The following RAD21L1 variants were observed in gnomAD, a reference collection of about 807,000 sequenced individuals.
RAD21L1 encodes the protein RAD21 cohesin complex component like 1.
Under a neutral mutation model 69.0 loss-of-function variants are expected in RAD21L1, and 47 were observed. The observed-to-expected ratio is 0.68, with a 90% CI of 0.54 to 0.87. The LOEUF (loss-of-function observed/expected upper bound fraction) is 0.87. Ranked by LOEUF, RAD21L1 falls within the 40% of genes least tolerant of loss-of-function variation. The pLI, the probability that RAD21L1 is intolerant of heterozygous loss-of-function variation, is 0.00. For synonymous variants in RAD21L1, 177 were observed against 205.8 expected, an observed-to-expected ratio of 0.86 and a Z score of 1.20; for missense variants, 583 against 647.6, an observed-to-expected ratio of 0.90 and a Z score of 1.08.
intron 13 of RAD21L1, among the ~76,000 whole-genome samples, chr20:1,252,910 C>T (rs142049938): frequency 1.4e-4 from 21 of 152,290 alleles, no homozygotes; most frequent in Admixed American, 7.2e-4. Flanking sequence ...TCTTCCTTTA[C>T]CTTCATTTCA....
At chr20:1,240,172 A>G in intron 7 of RAD21L1, 149 bp from the exon 8 acceptor site, 1 of 1,339,678 alleles carries the variant, frequency 7.5e-7, no homozygotes, top group Non-Finnish European at 9.6e-7. Flanking sequence ...CTTCAGCTCT[A>G]TTAAATAAAT....
At position 1,246,069 on chromosome 20, in the gene RAD21L1, G is replaced by T. The variant is rs922873221; in HGVS notation, c.1309-144G>T. The T allele has an allele frequency of 2.2e-6, 1 of 463,568 alleles. No individual in the cohort carries two copies. Among genetic ancestry groups the T allele is most frequent in the East Asian group, 3.6e-5 (1 of 28,076 alleles). 28.7% of individuals were successfully genotyped at this position (463,568 alleles called of 1,614,324 possible). A position where few individuals can be genotyped will look rare whatever the true frequency, so the allele number is the denominator to read the frequency against. On this transcript the variant is annotated intron_variant, in intron 11 of 13. Coordinates refer to ENST00000683101, the MANE Select transcript of RAD21L1 (RefSeq NM_001384355.1). The surrounding 1 kb of genome is among the most constrained non-coding windows in gnomAD (Gnocchi z 4.6). ...AAGACTGCCTATCTGGGGTATTTCA[G>T]AGATAATATTTTGAGAATGTGGGTA...
rs1275827681 is a variant in RAD21L1, at chr20:1,242,755, C to T, written c.993C>T (p.Thr331=). 3.9e-6 allele frequency: 6 copies of T among 1,551,480 alleles called. No homozygotes were observed. The highest frequency in any genetic ancestry group is 2.0e-5 in the Admixed American group (1 of 50,966). Residue 331 remains threonine (T), a synonymous_variant, in exon 9 of 14, where the codon ACC becomes ACT. Coordinates refer to ENST00000683101, the MANE Select transcript of RAD21L1 (RefSeq NM_001384355.1). ...TGGTTTTGGAACTTGCACCTCCTAC[C>T]CAAAGATTGATGATGTGGAAGAAGA... is the stretch of plus-strand genomic sequence containing the variant. ...TLMVLELAPP[T]QRLMMWKKRG...
intron 5 of RAD21L1, among the ~76,000 whole-genome samples, chr20:1,234,978 A>T (rs1418126581): frequency 6.6e-6 from 1 of 152,156 alleles, no homozygotes; most frequent in Non-Finnish European, 1.5e-5. Context: ...TCTAGGCTCA[A>T]GCAATCCTCC....
chr20:1,242,540 T>G lies in RAD21L1; in HGVS notation c.857-79T>G, dbSNP rs904426148. On this transcript the variant is annotated intron_variant, in intron 8 of 13. Coordinates refer to ENST00000683101, the MANE Select transcript of RAD21L1 (RefSeq NM_001384355.1). The stretch of plus-strand genomic sequence containing the variant: ...GAGCCACCGTGCCTGGCTTAGAAAT[T>G]TCTTAAGTATTTAGTGCCTACAATA... The G allele has an allele frequency of 3.5e-6, 4 of 1,128,446 alleles. No homozygotes were observed. The African/African-American group carries it at 6.2e-5, about 17-fold the overall frequency. 69.9% of individuals were successfully genotyped at this position (1,128,446 alleles called of 1,614,324 possible). A position where few individuals can be genotyped will look rare whatever the true frequency, so the allele number is the denominator to read the frequency against.
intron 5 of RAD21L1, among the ~76,000 whole-genome samples, chr20:1,235,613 C>A (rs771289517): frequency 2.6e-5 from 4 of 152,086 alleles, no homozygotes; most frequent in Non-Finnish European, 5.9e-5. Flanking sequence ...CAGTACCAGT[C>A]CACAGATTAT....
intron 1 of RAD21L1, among the ~76,000 whole-genome samples, chr20:1,227,325 C>T (rs544668491): frequency 6.6e-6 from 1 of 152,208 alleles, no homozygotes; most frequent in Non-Finnish European, 1.5e-5. Context: ...GTGGAACCAG[C>T]GCAAGGTACA....
At chr20:1,229,778 G>C (rs896517812) in intron 2 of RAD21L1, 102 bp from the exon 3 acceptor site, 6 of 856,340 alleles carry the variant, frequency 7.0e-6, no homozygotes, top group Non-Finnish European at 8.6e-6. Context: ...CAAAATATCT[G>C]CTTTTTTAAG....
At chr20:1,231,242 T>G (rs1448929082) in intron 3 of RAD21L1, among the ~76,000 whole-genome samples, 3 of 152,248 alleles carry the variant, frequency 2.0e-5, no homozygotes, top group Admixed American at 1.3e-4. Flanking sequence ...CACTAGATGA[T>G]GCCTCTTAGG....
intron 13 of RAD21L1, among the ~76,000 whole-genome samples, chr20:1,253,746 G>A (rs10485821): frequency 0.061 from 9,243 of 152,260 alleles, 383 homozygotes; most frequent in South Asian, 0.1. Flanking sequence ...GATGTCATGT[G>A]GTGAATCCGA....
chr20:1,242,896 T>A, intron 9 of RAD21L1, 51 bp downstream of exon 9: 2 of 1,167,530 alleles, frequency 1.7e-6, no homozygotes, highest in East Asian at 2.6e-5. Flanking sequence ...TATAAATAAA[T>A]AATAAATAAA....
intron 3 of RAD21L1, chr20:1,230,938 T>A (rs1384229568): frequency 6.3e-6 from 1 of 159,690 alleles, no homozygotes. Flanking sequence ...AATTAAAGTA[T>A]TTTTAAAACA....
chr20:1,240,603 A>C (rs2087587052), intron 8 of RAD21L1, among the ~76,000 whole-genome samples, 169 bp downstream of exon 8: 2 of 152,128 alleles, frequency 1.3e-5, no homozygotes, highest in East Asian at 3.9e-4. Context: ...GATCCTTTTG[A>C]GGTAGGAAGC....
intron 13 of RAD21L1, among the ~76,000 whole-genome samples, chr20:1,250,674 C>T (rs1159190559): frequency 2.6e-5 from 4 of 152,158 alleles, no homozygotes. Context: ...CATATATGTG[C>T]ATGTGTCTTT....
chr20:1,244,505 CT>C (rs2087681618), intron 11 of RAD21L1, among the ~76,000 whole-genome samples: 1 of 152,138 alleles, frequency 6.6e-6, no homozygotes, highest in Admixed American at 6.6e-5. Context: ...TGTTTTAGAA[CT>C]GCAGCCAGTA....
chr20:1,233,471 G>C (rs1006535648), intron 4 of RAD21L1, among the ~76,000 whole-genome samples: 2 of 152,190 alleles, frequency 1.3e-5, no homozygotes, highest in Non-Finnish European at 2.9e-5. Flanking sequence ...CCATGAGGAA[G>C]GGAGTTGTTT....
chr20:1,227,643 A>G (rs369015746), intron 1 of RAD21L1, among the ~76,000 whole-genome samples: 1 of 152,180 alleles, frequency 6.6e-6, no homozygotes, highest in Non-Finnish European at 1.5e-5. Flanking sequence ...ATCCCTTCTC[A>G]TCTTTAGCTT....
chr20:1,239,212 T>C, intron 6 of RAD21L1, 100 bp from the exon 7 acceptor site: 1 of 660,966 alleles, frequency 1.5e-6, no homozygotes, highest in Non-Finnish European at 2.6e-6. Flanking sequence ...GATCTGGTTA[T>C]TCCTTTACAA....
Position 1,238,063 on chromosome 20 carries a change from C to G in RAD21L1, c.495C>G (p.Leu165=). 1 of 1,513,748 alleles carries G rather than the reference C, an allele frequency of 6.6e-7. No homozygotes were observed. Among genetic ancestry groups the G allele is most frequent in the Non-Finnish European group, 8.9e-7 (1 of 1,121,116 alleles). The allele number at this position is 1,513,748 out of a possible 1,614,324, so 93.8% of individuals were successfully genotyped here. ...ATTTAGGGGAGGAATCTGAAATTCT[C>G]AGAAGACATAGCTTCTTTGATGACA... ...AESFGEESEI[L]RRHSFFDDNI... is the part of the protein sequence containing the mutation. The change falls in exon 6 of 14, where the codon CTC becomes CTG. Residue 165 remains leucine, a synonymous_variant. Transcript: ENST00000683101.
Sources: gnomAD v4.1 joint callset for allele counts (sites outside exome capture counted in the v4.1 genomes callset) on GRCh38, gnomAD v4.1.1 for gene constraint, Gnocchi (gnomAD v3.1) non-coding constraint, MANE v1.5 for transcripts, NCBI Gene and HGNC (gene_info 2026-07-23, HGNC 2026-07-21) for gene names.